Variants in SYT7 observed in about 807,000 individuals in gnomAD.
The protein encoded by SYT7 is synaptotagmin 7.
Under a neutral mutation model 75.1 loss-of-function variants are expected in SYT7, and 29 were observed. The ratio of observed to expected loss-of-function variants is 0.39; its 90% confidence interval spans 0.29 to 0.53. The LOEUF is 0.53. SYT7 is among the 20% of genes least tolerant of loss of function. SYT7 has a pLI of 0.77. For missense variants in SYT7, 693 were observed against 953.2 expected, an observed-to-expected ratio of 0.73 and a Z score of 3.59; for synonymous variants, 376 against 401.7, an observed-to-expected ratio of 0.94 and a Z score of 0.76.
chr11:61,547,160 C>A lies in SYT7; in HGVS notation c.347+17G>T. 1 of 1,534,680 alleles carries A rather than the reference C, an allele frequency of 6.5e-7. No homozygotes were observed. Among genetic ancestry groups the A allele is most frequent in the Non-Finnish European group, 8.7e-7 (1 of 1,146,504 alleles). On this transcript the variant is annotated intron_variant, in intron 4 of 12. Coordinates refer to ENST00000539008, the MANE Select transcript of SYT7 (RefSeq NM_001365809.2). Reference sequence around the variant, plus strand: ...GGATACTCGGTACATATGATCAAACCAGGTAAAGTCACTCACTTGAGGGAC... The same window carrying A: ...GGATACTCGGTACATATGATCAAACAAGGTAAAGTCACTCACTTGAGGGAC...
chr11:61,545,532 CG>C (rs2063159472), intron 5 of SYT7, among the ~76,000 whole-genome samples: 1 of 152,192 alleles, frequency 6.6e-6, no homozygotes, highest in South Asian at 2.1e-4. Flanking sequence ...TGGAGTCACC[CG>C]ATGGTCAAAA....
At position 61,545,952 on chromosome 11, in the gene SYT7, T is replaced by A. The variant is rs996514709; in HGVS notation, c.572+79A>T. 3.0e-6 allele frequency: 4 copies of A among 1,343,412 alleles called. No individual in the cohort carries two copies. The Admixed American group carries it at 6.5e-5, about 22-fold the overall frequency. The allele number at this position is 1,343,412 out of a possible 1,614,324, so 83.2% of individuals were successfully genotyped here. On this transcript the variant is annotated intron_variant, in intron 5 of 12. Transcript: ENST00000539008. ...GCACCTCTGGGGGCAGCAGCGGGCA[T>A]GCCAGGGGTCCCGCTGTCCACCCTG...
the SYT7 span, among the ~76,000 whole-genome samples, chr11:61,587,738 C>A: frequency 6.6e-6 from 1 of 152,206 alleles, no homozygotes; most frequent in Non-Finnish European, 1.5e-5. Flanking sequence ...CGGGCGCCCC[C>A]AACATTGAAG....
intron 9 of SYT7, 46 bp downstream of exon 9, chr11:61,527,869 G>T: frequency 6.2e-7 from 1 of 1,601,868 alleles, no homozygotes; most frequent in South Asian, 1.1e-5. Context: ...GGGGATGGTA[G>T]ACAGCAAGAG....
intron 6 of SYT7, among the ~76,000 whole-genome samples, 200 bp from the exon 7 acceptor site, chr11:61,538,466 C>T (rs1011741044): frequency 5.3e-5 from 8 of 151,834 alleles, no homozygotes; most frequent in Non-Finnish European, 1.0e-4. Flanking sequence ...AGAAAACAAA[C>T]TTCAGCAGTG....
chr11:61,571,123 C>T (rs967434447), intron 1 of SYT7, among the ~76,000 whole-genome samples: 1 of 152,194 alleles, frequency 6.6e-6, no homozygotes, highest in Non-Finnish European at 1.5e-5. Flanking sequence ...GATCCAGAGC[C>T]CCTGTGCCCT....
intron 1 of SYT7, among the ~76,000 whole-genome samples, chr11:61,577,928 C>A (rs573488064): frequency 1.3e-5 from 2 of 152,324 alleles, no homozygotes; most frequent in Non-Finnish European, 2.9e-5. Flanking sequence ...CTGACCCCTG[C>A]AGGCCTGCTG....
chr11:61,517,576 A>G lies in SYT7; in HGVS notation c.*1051T>C, dbSNP rs1327500094. ...TCTGCACAGGCAGGGAGAGATGAGG[A>G]AGGGCAGGCAAGCTGGAAAGCATGG... On this transcript the variant is annotated 3_prime_UTR_variant, in exon 13 of 13. Transcript: ENST00000539008. The G allele has an allele frequency of 2.3e-5, 9 of 399,268 alleles. No homozygotes were observed. Among genetic ancestry groups the G allele is most frequent in the Non-Finnish European group, 3.1e-5 (7 of 226,616 alleles). The allele number at this position is 399,268 out of a possible 1,614,324, so 24.7% of individuals were successfully genotyped here. A position where few individuals can be genotyped will look rare whatever the true frequency, so the allele number is the denominator to read the frequency against.
At position 61,517,547 on chromosome 11, in the gene SYT7, G is replaced by C; in HGVS notation, c.*1080C>G. On this transcript the variant is annotated 3_prime_UTR_variant, in exon 13 of 13. Coordinates refer to ENST00000539008, the MANE Select transcript of SYT7 (RefSeq NM_001365809.2). ...TGGAGGGGTGGAGGAAAGAAGGGTG[G>C]AGGTCTGCACAGGCAGGGAGAGATG... The C allele has an allele frequency of 2.5e-6, 1 of 399,676 alleles. No homozygotes were observed. Among genetic ancestry groups the C allele is most frequent in the Non-Finnish European group, 4.4e-6 (1 of 226,726 alleles). 24.8% of individuals were successfully genotyped at this position (399,676 alleles called of 1,614,324 possible).
At chr11:61,565,006 A>G (rs1209765497) in intron 1 of SYT7, among the ~76,000 whole-genome samples, 3 of 152,180 alleles carry the variant, frequency 2.0e-5, no homozygotes, top group Non-Finnish European at 4.4e-5. Context: ...GGTACTGATC[A>G]GGGTGCAACC....
chr11:61,520,967 G>T (rs2062309003), intron 12 of SYT7, among the ~76,000 whole-genome samples: 1 of 152,254 alleles, frequency 6.6e-6, no homozygotes, highest in Non-Finnish European at 1.5e-5. Context: ...AGCTGGGATG[G>T]TGCATGTCAT....
rs770457847 is a variant in SYT7, at chr11:61,533,052, G to A, written c.1137C>T (p.Arg379=). The A allele has an allele frequency of 1.9e-6, 3 of 1,613,396 alleles. No homozygotes were observed. Among genetic ancestry groups the A allele is most frequent in the Admixed American group, 1.7e-5 (1 of 60,006 alleles). ...PGQTPHDESD[R]RTEPRSSVSD... is the part of the protein sequence containing the mutation. The stretch of plus-strand genomic sequence containing the variant: ...AGACGGAGGAACGTGGCTCGGTCCG[G>A]CGGTCGGACTCATCGTGGGGTGTCT... The change falls in exon 8 of 13, where the codon CGC becomes CGT. Residue 379 remains arginine, a synonymous_variant. Transcript: ENST00000539008.
upstream of SYT7, among the ~76,000 whole-genome samples, chr11:61,585,441 G>A (rs2135496688): frequency 6.6e-6 from 1 of 152,274 alleles, no homozygotes; most frequent in African/African-American, 2.4e-5. Flanking sequence ...GCTGTGCAGG[G>A]CAACAGCAAA....
chr11:61,532,100 G>T (rs548096453), intron 8 of SYT7, among the ~76,000 whole-genome samples: 25 of 152,234 alleles, frequency 1.6e-4, no homozygotes, highest in African/African-American at 5.1e-4. Flanking sequence ...TGCCAGGGCA[G>T]TAGGGGAGGG....
chr11:61,551,913 C>A lies in SYT7; in HGVS notation c.136-450G>T, dbSNP rs538263266. On this transcript the variant is annotated intron_variant, in intron 2 of 12. Coordinates refer to ENST00000539008, the MANE Select transcript of SYT7 (RefSeq NM_001365809.2). This position sits in a 1 kb window ranked among gnomAD's most constrained non-coding sequence, Gnocchi z 5.3. ...TGGCCAGTGATGTGAGCAGTGGGGGCGGGGAGAAGGCCATGTCCCCAGTCC... is the reference window on the plus strand; with the variant it reads ...TGGCCAGTGATGTGAGCAGTGGGGGAGGGGAGAAGGCCATGTCCCCAGTCC... 1.3e-5 allele frequency among the ~76,000 whole-genome samples: 2 copies of A among 152,180 alleles called. No individual in the cohort carries two copies. Among genetic ancestry groups the A allele is most frequent in the South Asian group, 2.1e-4 (1 of 4,808 alleles).
intron 3 of SYT7, among the ~76,000 whole-genome samples, chr11:61,549,541 G>A (rs1172906855): frequency 4.6e-5 from 7 of 152,254 alleles, no homozygotes; most frequent in Non-Finnish European, 1.0e-4. Flanking sequence ...ACGATCCTCT[G>A]TTGGGGGTCC....
chr11:61,570,030 C>CTACTCA (rs1235350953), intron 1 of SYT7, among the ~76,000 whole-genome samples: 1 of 152,250 alleles, frequency 6.6e-6, no homozygotes, highest in African/African-American at 2.4e-5. Flanking sequence ...TAGGCTGAGC[C>CTACTCA]AGGGGCCCTC....
At position 61,516,160 on chromosome 11, in the gene SYT7, G is replaced by T. The variant is rs1171762795; in HGVS notation, c.*2467C>A. ...CATTCTCTGCTCTCCTATTGCCCTA[G>T]ACCGCCCCCGCCCCATCCCATACCA... On this transcript the variant is annotated 3_prime_UTR_variant, in exon 13 of 13. Coordinates refer to ENST00000539008, the MANE Select transcript of SYT7 (RefSeq NM_001365809.2). The surrounding 1 kb of genome is among the most constrained non-coding windows in gnomAD (Gnocchi z 4.6). The T allele has an allele frequency of 2.1e-5, 3 of 144,702 alleles. No homozygotes were observed. Among genetic ancestry groups the T allele is most frequent in the African/African-American group, 7.9e-5 (3 of 37,918 alleles). The allele number at this position is 144,702 out of a possible 1,614,324, so 9.0% of individuals were successfully genotyped here.
At chr11:61,568,131 C>T (rs1378788932) in intron 1 of SYT7, among the ~76,000 whole-genome samples, 2 of 152,190 alleles carry the variant, frequency 1.3e-5, no homozygotes, top group African/African-American at 4.8e-5. Context: ...CCATACCCGC[C>T]CCAGGAAAAA....
Sources: allele counts gnomAD v4.1 joint callset (sites outside exome capture counted in the v4.1 genomes callset), GRCh38; gene constraint gnomAD v4.1.1; non-coding constraint Gnocchi (gnomAD v3.1); transcripts MANE v1.5; gene names NCBI Gene and HGNC (gene_info 2026-07-23, HGNC 2026-07-21).